SDHAF3: variants seen among roughly 807,000 people sequenced by gnomAD.
SDHAF3 encodes the protein succinate dehydrogenase complex assembly factor 3.
In SDHAF3, 18 loss-of-function variants were observed where a neutral mutation model predicts 11.5. The ratio of observed to expected loss-of-function variants is 1.56; its 90% confidence interval spans 1.08 to 2.32. SDHAF3 has a LOEUF of 2.32. Ranked by LOEUF, SDHAF3 falls within the 30% of genes most tolerant of loss-of-function variation. The pLI is 0.00. For synonymous variants in SDHAF3, 72 were observed against 59.3 expected (o/e 1.21, Z -0.99); for missense variants, 200 against 154.4 (o/e 1.30, Z -1.57).
intron 1 of SDHAF3, among the ~76,000 whole-genome samples, chr7:97,137,305 C>T (rs1788941625): frequency 6.6e-6 from 1 of 152,104 alleles, no homozygotes; most frequent in African/African-American, 2.4e-5. Context: ...TGGAAATTTC[C>T]TGGAAACTAG....
intron 1 of SDHAF3, chr7:97,142,727 A>G (rs1789070945): frequency 6.6e-6 from 1 of 152,084 alleles, no homozygotes; most frequent in South Asian, 2.1e-4. Flanking sequence ...TAAGGAATTT[A>G]AGATCTTGAA....
intron 1 of SDHAF3, among the ~76,000 whole-genome samples, chr7:97,118,705 G>A (rs1457020569): frequency 6.6e-6 from 1 of 152,174 alleles, no homozygotes; most frequent in Non-Finnish European, 1.5e-5. Context: ...GAAAGCATGA[G>A]TTGGAGCTGA....
chr7:97,164,800 G>A (rs1789475771), intron 1 of SDHAF3, among the ~76,000 whole-genome samples: 2 of 152,140 alleles, frequency 1.3e-5, no homozygotes, highest in African/African-American at 4.8e-5. Context: ...CTACCAATGT[G>A]GGGATGGAGG....
chr7:97,177,841 C>T (rs1243590446), intron 1 of SDHAF3, among the ~76,000 whole-genome samples: 3 of 152,152 alleles, frequency 2.0e-5, no homozygotes, highest in African/African-American at 7.2e-5. Context: ...TTTTCTTTTA[C>T]ATACTTAACA....
chr7:97,126,412 C>A (rs1791578677), intron 1 of SDHAF3, among the ~76,000 whole-genome samples: 1 of 152,226 alleles, frequency 6.6e-6, no homozygotes, highest in South Asian at 2.1e-4. Flanking sequence ...GAAGTTGTGC[C>A]CACAGCTGCC....
intron 1 of SDHAF3, among the ~76,000 whole-genome samples, chr7:97,124,586 C>T (rs900234851): frequency 4.6e-5 from 7 of 152,098 alleles, no homozygotes; most frequent in African/African-American, 1.7e-4. Flanking sequence ...TTACTTTGAG[C>T]AGTATGGCCA....
At chr7:97,177,649 T>G (rs1010090601) in intron 1 of SDHAF3, among the ~76,000 whole-genome samples, 3 of 152,240 alleles carry the variant, frequency 2.0e-5, no homozygotes, top group Non-Finnish European at 4.4e-5. Flanking sequence ...AGTTTTGTTC[T>G]GTTTAAAACT....
intron 1 of SDHAF3, among the ~76,000 whole-genome samples, chr7:97,165,723 T>C (rs1789493554): frequency 6.6e-6 from 1 of 152,248 alleles, no homozygotes; most frequent in Non-Finnish European, 1.5e-5. Context: ...GAGGTTAATA[T>C]GCAGAGTGCA....
chr7:97,134,344 C>A (rs894226773), intron 1 of SDHAF3, among the ~76,000 whole-genome samples: 1 of 152,182 alleles, frequency 6.6e-6, no homozygotes, highest in African/African-American at 2.4e-5. Flanking sequence ...ACTGATAACT[C>A]TGGATTACTG....
intron 1 of SDHAF3, among the ~76,000 whole-genome samples, chr7:97,135,768 A>G (rs1357343245): frequency 1.4e-5 from 2 of 147,070 alleles, no homozygotes; most frequent in African/African-American, 5.0e-5. Context: ...GCTCACTGCA[A>G]GCTCCGCCTC....
At chr7:97,139,227 A>T (rs1437147418) in intron 1 of SDHAF3, among the ~76,000 whole-genome samples, 1 of 152,170 alleles carries the variant, frequency 6.6e-6, no homozygotes, top group Non-Finnish European at 1.5e-5. Flanking sequence ...AAGGGCAGAG[A>T]AGAGTTTTAT....
chr7:97,175,092 A>G (rs187037736), intron 1 of SDHAF3, among the ~76,000 whole-genome samples: 3 of 152,176 alleles, frequency 2.0e-5, no homozygotes, highest in Admixed American at 6.5e-5. Flanking sequence ...TTGTTTCTCT[A>G]TGTTATTCCT....
intron 1 of SDHAF3, among the ~76,000 whole-genome samples, chr7:97,144,878 T>C (rs1789112390): frequency 1.3e-5 from 2 of 151,472 alleles, no homozygotes; most frequent in African/African-American, 2.5e-5. Flanking sequence ...TGCACGGAAT[T>C]TGTAGATTGC....
In SDHAF3 at chr7:97,162,186, G is replaced by A. The variant is rs187836977; in HGVS notation, c.175-18826G>A. The stretch of plus-strand genomic sequence containing the variant: ...GATTTGCATTTCCCTAATGACCAGT[G>A]ATGATGAGCTTTTTTTCATATGTTG... On this transcript the variant is annotated intron_variant, in intron 1 of 1. Transcript: ENST00000432641. 6.2e-4 allele frequency among the ~76,000 whole-genome samples: 94 copies of A among 152,264 alleles called. 1 individual carries two copies. In the East Asian group the frequency reaches 0.016, roughly 27 times the overall value.
chr7:97,167,317 C>T (rs1054633728), intron 1 of SDHAF3, among the ~76,000 whole-genome samples: 2 of 152,166 alleles, frequency 1.3e-5, no homozygotes, highest in African/African-American at 2.4e-5. Flanking sequence ...AAAAGGTGCT[C>T]GCTTTTTGTT....
intron 1 of SDHAF3, chr7:97,136,313 A>G (rs1791768404): frequency 2.0e-6 from 1 of 508,304 alleles, no homozygotes; most frequent in Non-Finnish European, 3.6e-6. Context: ...ATCCTTTTGA[A>G]AAGTGAATTA....
chr7:97,155,789 T>C (rs1295859853), intron 1 of SDHAF3, among the ~76,000 whole-genome samples: 1 of 152,004 alleles, frequency 6.6e-6, no homozygotes, highest in Non-Finnish European at 1.5e-5. Context: ...CTCTAAACTT[T>C]TGGAGCATAT....
chr7:97,159,357 A>C (rs1005383570), intron 1 of SDHAF3, among the ~76,000 whole-genome samples: 2 of 152,216 alleles, frequency 1.3e-5, no homozygotes, highest in Non-Finnish European at 2.9e-5. Flanking sequence ...GGTGCTTTTC[A>C]AAGCTTTATT....
At chr7:97,129,212 G>C (rs530135830) in intron 1 of SDHAF3, among the ~76,000 whole-genome samples, 1 of 152,096 alleles carries the variant, frequency 6.6e-6, no homozygotes, top group African/African-American at 2.4e-5. Context: ...ATATAGATAG[G>C]CTTGTTGATT....
Sources: gnomAD v4.1 joint callset for allele counts (sites outside exome capture counted in the v4.1 genomes callset) on GRCh38, gnomAD v4.1.1 for gene constraint, MANE v1.5 for transcripts, NCBI Gene and HGNC (gene_info 2026-07-23, HGNC 2026-07-21) for gene names.